TMEM74: variants seen among roughly 807,000 people sequenced by gnomAD.
The protein encoded by TMEM74 is transmembrane protein 74.
TMEM74 carries 13 observed loss-of-function variants against 18.1 expected under a neutral mutation model. The ratio of observed to expected loss-of-function variants is 0.72; its 90% CI spans 0.47 to 1.14. The LOEUF is 1.14. Ranked by LOEUF, TMEM74 falls within the 50% of genes most tolerant of loss-of-function variation. TMEM74 has a pLI of 0.00. For missense variants in TMEM74, 372 were observed against 375.9 expected (o/e 0.99, Z 0.09); for synonymous variants, 159 against 146.6 (o/e 1.08, Z -0.61).
At chr8:108,729,333 C>T (rs1224189429) in intron 1 of TMEM74, among the ~76,000 whole-genome samples, 2 of 152,204 alleles carry the variant, frequency 1.3e-5, no homozygotes, top group Non-Finnish European at 2.9e-5. Flanking sequence ...TCAAGTCCCT[C>T]TTATACTTTG....
rs185660589 is a variant in TMEM74 at position 108,731,413 on chromosome 8, A to G, written n.119+56063T>C. Among the ~76,000 whole-genome samples, 203 of 152,326 alleles carry G rather than the reference A, an allele frequency of 1.3e-3. 1 individual carries two copies. The highest frequency in any genetic ancestry group is 4.7e-3 in the African/African-American group (195 of 41,562). Reference sequence around the variant, plus strand: ...TAGTGATCTATATTTAGCAAAAATTACTCATCACACTCAGGAGCATAAAAT... The same window carrying G: ...TAGTGATCTATATTTAGCAAAAATTGCTCATCACACTCAGGAGCATAAAAT... On this transcript the variant is annotated intron_variant and non_coding_transcript_variant, in intron 1 of 3. Coordinates refer to the TMEM74 transcript ENST00000518838.
chr8:108,756,588 G>C (rs1236712578), intron 1 of TMEM74, among the ~76,000 whole-genome samples: 1 of 103,652 alleles, frequency 9.6e-6, no homozygotes, highest in Non-Finnish European at 1.8e-5. Context: ...AAGAAAGAAA[G>C]AAAGAAAGAG....
At chr8:108,690,409 T>C (rs1376616950) in intron 1 of TMEM74, among the ~76,000 whole-genome samples, 1 of 152,004 alleles carries the variant, frequency 6.6e-6, no homozygotes, top group Non-Finnish European at 1.5e-5. Flanking sequence ...AGTCCCCCAG[T>C]GTTCTCTTCC....
chr8:108,641,228 C>T (rs1812662154), intron 2 of TMEM74, among the ~76,000 whole-genome samples: 1 of 152,092 alleles, frequency 6.6e-6, no homozygotes, highest in Admixed American at 6.5e-5. Context: ...AATCTGAGTG[C>T]TATTCAAAAC....
At chr8:108,621,723 CA>C (rs1812442133) in intron 2 of TMEM74, among the ~76,000 whole-genome samples, 1 of 152,130 alleles carries the variant, frequency 6.6e-6, no homozygotes, top group African/African-American at 2.4e-5. Flanking sequence ...GCTCTGCATT[CA>C]AATCATCTTT....
chr8:108,727,753 T>C (rs1813653665), intron 1 of TMEM74, among the ~76,000 whole-genome samples: 1 of 152,098 alleles, frequency 6.6e-6, no homozygotes, highest in South Asian at 2.1e-4. Context: ...CCAACCAAAA[T>C]TGTGTCCATA....
chr8:108,630,161 CAA>C (rs370926449), intron 2 of TMEM74, among the ~76,000 whole-genome samples: 1 of 147,932 alleles, frequency 6.8e-6, no homozygotes, highest in Admixed American at 6.7e-5. Context: ...AAATGGAAAG[CAA>C]AAAAAAAGCA....
chr8:108,629,391 C>A (rs999330115), intron 2 of TMEM74, among the ~76,000 whole-genome samples: 1 of 152,022 alleles, frequency 6.6e-6, no homozygotes, highest in Non-Finnish European at 1.5e-5. Flanking sequence ...GAGAATGGAA[C>A]CAAGTTGGAA....
intron 2 of TMEM74, among the ~76,000 whole-genome samples, chr8:108,645,614 GA>G (rs1218007564): frequency 6.6e-6 from 1 of 152,048 alleles, no homozygotes; most frequent in Non-Finnish European, 1.5e-5. Flanking sequence ...TCATGTCCAA[GA>G]AACATGGCAA....
intron 1 of TMEM74, among the ~76,000 whole-genome samples, chr8:108,663,184 A>G (rs1201894847): frequency 6.6e-6 from 1 of 152,114 alleles, no homozygotes; most frequent in Non-Finnish European, 1.5e-5. Flanking sequence ...ATTTTTTTCC[A>G]TCTATCTATC....
rs188281934 is a variant in TMEM74 at position 108,663,095 on chromosome 8, A to T, written n.120-7658T>A. 2.0e-5 allele frequency among the ~76,000 whole-genome samples: 3 copies of T among 152,226 alleles called. No individual in the cohort carries two copies. The East Asian group carries it at 5.8e-4, about 29-fold the overall frequency. ...ACAAAAGCAAAAATTGACAAATGGG[A>T]TCTAATTAAACTAAAGAGCTTCTGC... is the stretch of plus-strand genomic sequence containing the variant. On this transcript the variant is annotated intron_variant and non_coding_transcript_variant, in intron 1 of 3. Transcript: ENST00000518838.
At chr8:108,704,705 A>G (rs886925930) in intron 1 of TMEM74, among the ~76,000 whole-genome samples, 2 of 152,250 alleles carry the variant, frequency 1.3e-5, no homozygotes, top group Non-Finnish European at 2.9e-5. Context: ...ACATGATCAG[A>G]GGCAGCAGCA....
At chr8:108,770,129 C>T (rs79933954) in intron 1 of TMEM74, among the ~76,000 whole-genome samples, 3,195 of 152,124 alleles carry the variant, frequency 0.021, 119 homozygotes, top group African/African-American at 0.073. Flanking sequence ...AATGTTCCCA[C>T]CTACCAAGTG....
At chr8:108,690,493 C>A (rs1307295250) in intron 1 of TMEM74, among the ~76,000 whole-genome samples, 2 of 149,868 alleles carry the variant, frequency 1.3e-5, no homozygotes, top group African/African-American at 4.9e-5. Context: ...GTTTTTTTTT[C>A]TCTCCCTGAA....
chr8:108,769,223 G>A (rs1010373050), intron 1 of TMEM74, among the ~76,000 whole-genome samples: 1 of 151,862 alleles, frequency 6.6e-6, no homozygotes, highest in East Asian at 1.9e-4. Flanking sequence ...AGCTACTCAG[G>A]AGGCTGAGGG....
chr8:108,735,532 A>G lies in TMEM74; in HGVS notation n.119+51944T>C, dbSNP rs115742919. 4.1e-3 allele frequency among the ~76,000 whole-genome samples: 626 copies of G among 152,342 alleles called. 4 individuals are homozygous for G. Among genetic ancestry groups the G allele is most frequent in the African/African-American group, 0.013 (554 of 41,588 alleles). Reference sequence around the variant, plus strand: ...AAGGTTCCTGCATGTTGTAGAATGTATCAGTCCTTCATTCCTCTTTATGGC... The same window carrying G: ...AAGGTTCCTGCATGTTGTAGAATGTGTCAGTCCTTCATTCCTCTTTATGGC... On this transcript the variant is annotated intron_variant and non_coding_transcript_variant, in intron 1 of 3. Transcript: ENST00000518838.
intron 2 of TMEM74, among the ~76,000 whole-genome samples, chr8:108,632,551 T>A (rs971381039): frequency 1.3e-5 from 2 of 151,904 alleles, no homozygotes; most frequent in African/African-American, 4.8e-5. Context: ...TCAAGGACCA[T>A]GATTAAATAA....
At chr8:108,690,339 A>G (rs1159014101) in intron 1 of TMEM74, among the ~76,000 whole-genome samples, 8 of 151,976 alleles carry the variant, frequency 5.3e-5, no homozygotes, top group South Asian at 2.1e-4. Flanking sequence ...CCATTTTCCC[A>G]TTATTAAATG....
intron 1 of TMEM74, among the ~76,000 whole-genome samples, chr8:108,705,195 T>A (rs1586267584): frequency 6.6e-6 from 1 of 152,224 alleles, no homozygotes; most frequent in Non-Finnish European, 1.5e-5. Flanking sequence ...TAGCAGACTC[T>A]ATAGGGTGTC....
Sources: allele counts gnomAD v4.1 joint callset (sites outside exome capture counted in the v4.1 genomes callset), GRCh38; gene constraint gnomAD v4.1.1; transcripts MANE v1.5; gene names NCBI Gene and HGNC (gene_info 2026-07-23, HGNC 2026-07-21).